Variants in CADPS observed in about 807,000 individuals in gnomAD.
CADPS encodes the protein calcium dependent secretion activator.
CADPS carries 57 observed loss-of-function variants against 167.3 expected under a neutral mutation model. That is an observed-to-expected ratio of 0.34 (90% CI 0.28 to 0.42). The LOEUF (loss-of-function observed/expected upper bound fraction) is 0.42. Ranked by LOEUF, CADPS falls within the 20% of genes least tolerant of loss-of-function variation. The pLI, the probability that CADPS is intolerant of heterozygous loss-of-function variation, is 1.00. For synonymous variants in CADPS, 676 were observed against 635.3 expected (o/e 1.06, Z -0.96); for missense variants, 1,414 against 1,738.1 (o/e 0.81, Z 3.32).
At position 62,738,593 on chromosome 3, in the gene CADPS, G is replaced by T. The variant is rs970183244; in HGVS notation, c.888+14848C>A. Reference sequence around the variant, plus strand: ...ACAAAAAAATTAACTGAGCGTGGTGGCAGGGACCTGTAATCCTAGCTACTT... The same window carrying T: ...ACAAAAAAATTAACTGAGCGTGGTGTCAGGGACCTGTAATCCTAGCTACTT... On this transcript the variant is annotated intron_variant, in intron 3 of 29. Coordinates refer to ENST00000383710, the MANE Select transcript of CADPS (RefSeq NM_003716.4). Among the ~76,000 whole-genome samples the T allele has an allele frequency of 2.0e-5, 3 of 152,078 alleles. 1 individual carries two copies. The highest frequency in any genetic ancestry group is 7.2e-5 in the African/African-American group (3 of 41,416).
intron 1 of CADPS, among the ~76,000 whole-genome samples, chr3:62,771,404 T>G (rs1559544890): frequency 6.6e-6 from 1 of 152,184 alleles, no homozygotes; most frequent in East Asian, 1.9e-4. Context: ...AAATCTTACT[T>G]AGAAGCTTGC....
chr3:62,442,061 A>G (rs1394508091), intron 27 of CADPS, among the ~76,000 whole-genome samples: 2 of 152,208 alleles, frequency 1.3e-5, no homozygotes, highest in African/African-American at 4.8e-5. Context: ...GTGCCCATTA[A>G]AAAATAATAA....
At chr3:62,411,402 G>A (rs2048931001) in intron 28 of CADPS, among the ~76,000 whole-genome samples, 1 of 152,092 alleles carries the variant, frequency 6.6e-6, no homozygotes, top group Non-Finnish European at 1.5e-5. Context: ...ATGTGACTAA[G>A]TTCTTCATTT....
chr3:62,648,755 CT>C (rs1476401646), intron 5 of CADPS, among the ~76,000 whole-genome samples: 2 of 143,978 alleles, frequency 1.4e-5, no homozygotes, highest in Non-Finnish European at 3.0e-5. Flanking sequence ...CAATAAACCA[CT>C]TTCCCCCCGT....
intron 26 of CADPS, among the ~76,000 whole-genome samples, chr3:62,448,836 A>T (rs186796922): frequency 3.9e-5 from 6 of 152,198 alleles, no homozygotes; most frequent in South Asian, 2.1e-4. Flanking sequence ...CTGGTCTCAA[A>T]CTTGTGACCT....
intron 1 of CADPS, among the ~76,000 whole-genome samples, chr3:62,839,618 G>T (rs908211717): frequency 6.6e-6 from 1 of 152,154 alleles, no homozygotes; most frequent in East Asian, 1.9e-4. Flanking sequence ...CACCTGTAGG[G>T]TTTACGTAGA....
At chr3:62,803,165 G>T (rs907837267) in intron 1 of CADPS, among the ~76,000 whole-genome samples, 12 of 152,146 alleles carry the variant, frequency 7.9e-5, no homozygotes, top group African/African-American at 2.7e-4. Context: ...CCTGCTGGGT[G>T]ATTTACTGAG....
At chr3:62,694,441 C>T (rs1363364173) in intron 3 of CADPS, among the ~76,000 whole-genome samples, 2 of 151,860 alleles carry the variant, frequency 1.3e-5, no homozygotes, top group Non-Finnish European at 2.9e-5. Context: ...TTAGGCAAAC[C>T]CAGAGACCAA....
chr3:62,454,630 C>A (rs1055896207), intron 26 of CADPS, among the ~76,000 whole-genome samples: 3 of 152,156 alleles, frequency 2.0e-5, no homozygotes, highest in African/African-American at 7.2e-5. Context: ...TATTAACTGA[C>A]CGCAAATAAG....
chr3:62,405,139 G>T (rs866987786), intron 28 of CADPS, among the ~76,000 whole-genome samples: 522 of 36,828 alleles, frequency 0.014, 1 homozygote, highest in East Asian at 0.06. Context: ...TGTAATCTGG[G>T]GGGGGGGGGG....
chr3:62,646,757 CT>C (rs1471029092), intron 5 of CADPS, among the ~76,000 whole-genome samples: 1 of 152,140 alleles, frequency 6.6e-6, no homozygotes, highest in Non-Finnish European at 1.5e-5. Flanking sequence ...CCAATTTTGC[CT>C]TCCAGAAAAT....
chr3:62,523,976 G>A (rs1478362441), intron 13 of CADPS, among the ~76,000 whole-genome samples: 1 of 152,174 alleles, frequency 6.6e-6, no homozygotes, highest in East Asian at 1.9e-4. Flanking sequence ...CCAGAAACAT[G>A]AGAGCTTAAA....
At chr3:62,452,156 T>C (rs1444699954) in intron 26 of CADPS, among the ~76,000 whole-genome samples, 3 of 152,184 alleles carry the variant, frequency 2.0e-5, no homozygotes, top group African/African-American at 4.8e-5. Flanking sequence ...AGCACTCTTA[T>C]AGGACAACTA....
intron 1 of CADPS, among the ~76,000 whole-genome samples, chr3:62,826,226 C>G (rs923137990): frequency 6.6e-6 from 1 of 152,056 alleles, no homozygotes; most frequent in Non-Finnish European, 1.5e-5. Flanking sequence ...GTTGATCAGA[C>G]TTATCAAAAA....
chr3:62,666,086 C>T (rs2074347102), intron 3 of CADPS, among the ~76,000 whole-genome samples: 1 of 152,194 alleles, frequency 6.6e-6, no homozygotes, highest in African/African-American at 2.4e-5. Context: ...GTCGGTCTGA[C>T]AGTCTGTGCA....
At chr3:62,409,985 A>C (rs916505434) in intron 28 of CADPS, among the ~76,000 whole-genome samples, 3 of 152,224 alleles carry the variant, frequency 2.0e-5, no homozygotes, top group Admixed American at 2.0e-4. Flanking sequence ...CTTCACAGGA[A>C]AATTTTATTG....
intron 1 of CADPS, among the ~76,000 whole-genome samples, chr3:62,797,370 T>TGCTGG (rs2093489577): frequency 1.3e-5 from 2 of 152,156 alleles, no homozygotes; most frequent in African/African-American, 4.8e-5. Flanking sequence ...GCACTTTGCA[T>TGCTGG]GCAGTAGACG....
At chr3:62,428,444 C>T (rs1350540455) in intron 28 of CADPS, among the ~76,000 whole-genome samples, 1 of 151,216 alleles carries the variant, frequency 6.6e-6, no homozygotes, top group Non-Finnish European at 1.5e-5. Flanking sequence ...CTTCTTTTGG[C>T]TCTAAGTGGG....
chr3:62,797,863 C>A (rs304174), intron 1 of CADPS, among the ~76,000 whole-genome samples: 5,573 of 151,874 alleles, frequency 0.037, 336 homozygotes, highest in African/African-American at 0.13. Context: ...TGAAAGTAAT[C>A]TATAACAAAA....
Sources: gnomAD v4.1 joint callset for allele counts (sites outside exome capture counted in the v4.1 genomes callset) on GRCh38, gnomAD v4.1.1 for gene constraint, MANE v1.5 for transcripts, NCBI Gene and HGNC (gene_info 2026-07-23, HGNC 2026-07-21) for gene names.